Variants in CELF2 observed in about 807,000 individuals in gnomAD.
CELF2 encodes the protein CUGBP Elav-like family member 2.
A neutral mutation model predicts 62.6 loss-of-function variants in CELF2; 8 were observed. The ratio of observed to expected loss-of-function variants is 0.13; its 90% CI spans 0.07 to 0.23. The LOEUF (loss-of-function observed/expected upper bound fraction) is 0.23, where lower values mean the gene tolerates loss of function less well. Ranked by LOEUF, CELF2 falls within the 10% of genes least tolerant of loss-of-function variation. CELF2 has a pLI of 1.00. For missense variants in CELF2, 333 were observed against 671.0 expected, an observed-to-expected ratio of 0.50 and a Z score of 5.56; for synonymous variants, 258 against 250.0, an observed-to-expected ratio of 1.03 and a Z score of -0.30.
chr10:10,786,037 T>C, the CELF2 span, among the ~76,000 whole-genome samples: 1 of 151,874 alleles, frequency 6.6e-6, no homozygotes, highest in African/African-American at 2.4e-5. Flanking sequence ...AAAACTAATT[T>C]AAAAAAAATG....
chr10:10,480,682 C>T, the CELF2 span, among the ~76,000 whole-genome samples: 1 of 152,146 alleles, frequency 6.6e-6, no homozygotes, highest in Non-Finnish European at 1.5e-5. Flanking sequence ...CACTCTTAAG[C>T]ATTTGAAGAT....
intron 1 of CELF2, among the ~76,000 whole-genome samples, chr10:11,052,454 C>G (rs531828937): frequency 1.3e-5 from 2 of 152,164 alleles, no homozygotes; most frequent in Non-Finnish European, 2.9e-5. Context: ...TGTTTGGGCT[C>G]AGATGCTGAT....
chr10:11,270,886 C>T lies in CELF2; in HGVS notation c.777+62C>T. On this transcript the variant is annotated intron_variant, in intron 7 of 12. Coordinates refer to ENST00000633077, the MANE Select transcript of CELF2 (RefSeq NM_001326342.2). This position sits in a 1 kb window ranked among gnomAD's most constrained non-coding sequence, Gnocchi z 5.8. Reference sequence around the variant, plus strand: ...CTGAAACTCTGCAAACTGACTTTTCCCCTCCCTACGCTGAGGCATTTGTTT... The same window carrying T: ...CTGAAACTCTGCAAACTGACTTTTCTCCTCCCTACGCTGAGGCATTTGTTT... The T allele has an allele frequency of 7.6e-7, 1 of 1,311,752 alleles. No homozygotes were observed. Among genetic ancestry groups the T allele is most frequent in the Non-Finnish European group, 9.9e-7 (1 of 1,010,950 alleles). The allele number at this position is 1,311,752 out of a possible 1,614,324, so 81.3% of individuals were successfully genotyped here.
intron 1 of CELF2, among the ~76,000 whole-genome samples, chr10:10,902,160 C>A (rs2062982578): frequency 6.6e-6 from 1 of 152,210 alleles, no homozygotes; most frequent in Non-Finnish European, 1.5e-5. Context: ...CTCACCTTTG[C>A]TTTAGAAAAC....
At chr10:10,720,580 C>A in the CELF2 span, among the ~76,000 whole-genome samples, 1 of 152,058 alleles carries the variant, frequency 6.6e-6, no homozygotes, top group African/African-American at 2.4e-5. Flanking sequence ...AGCTGCAATG[C>A]CAAAGATTGT....
the CELF2 span, among the ~76,000 whole-genome samples, chr10:10,695,569 G>A: frequency 7.3e-5 from 11 of 151,270 alleles, no homozygotes; most frequent in African/African-American, 1.7e-4. Flanking sequence ...GCTAGATTGG[G>A]GAAGTTCTCC....
the CELF2 span, among the ~76,000 whole-genome samples, chr10:10,655,056 G>A: frequency 6.7e-6 from 1 of 149,384 alleles, no homozygotes; most frequent in South Asian, 2.3e-4. Flanking sequence ...AAAATCACAA[G>A]CATTCTTATA....
At chr10:10,760,566 A>G in the CELF2 span, among the ~76,000 whole-genome samples, 1 of 152,196 alleles carries the variant, frequency 6.6e-6, no homozygotes, top group Non-Finnish European at 1.5e-5. Context: ...TTACAGAAGC[A>G]GTGAATGGGG....
the CELF2 span, among the ~76,000 whole-genome samples, chr10:10,479,564 T>G: frequency 1.3e-5 from 2 of 152,286 alleles, no homozygotes; most frequent in East Asian, 3.9e-4. Context: ...TTCATCACCT[T>G]TTCTATAATT....
chr10:10,737,076 A>G, the CELF2 span, among the ~76,000 whole-genome samples: 1 of 152,186 alleles, frequency 6.6e-6, no homozygotes, highest in African/African-American at 2.4e-5. Flanking sequence ...ATGTTTCAGG[A>G]ACCTTGGTAC....
At chr10:11,236,639 C>T (rs1186234468) in intron 3 of CELF2, among the ~76,000 whole-genome samples, 2 of 152,132 alleles carry the variant, frequency 1.3e-5, no homozygotes, top group African/African-American at 2.4e-5. Context: ...TGGTTTCATT[C>T]GTATGCAATA....
At chr10:11,266,768 C>T in intron 6 of CELF2, 91 bp downstream of exon 6, 1 of 942,382 alleles carries the variant, frequency 1.1e-6, no homozygotes, top group Non-Finnish European at 1.6e-6. Context: ...GTTCACATGA[C>T]AATCACAGAT....
the CELF2 span, among the ~76,000 whole-genome samples, chr10:10,716,534 C>G: frequency 6.6e-6 from 1 of 152,084 alleles, no homozygotes; most frequent in East Asian, 1.9e-4. Flanking sequence ...AAGCAAGACT[C>G]AGTCTCAAAA....
intron 1 of CELF2, among the ~76,000 whole-genome samples, chr10:11,029,047 A>G (rs1192275744): frequency 2.0e-5 from 3 of 152,218 alleles, no homozygotes; most frequent in African/African-American, 7.2e-5. Flanking sequence ...AATATGGAGC[A>G]GAGAGGTCTG....
At chr10:10,832,550 G>A (rs1268579397) in intron 1 of CELF2, among the ~76,000 whole-genome samples, 1 of 152,184 alleles carries the variant, frequency 6.6e-6, no homozygotes, top group Non-Finnish European at 1.5e-5. Flanking sequence ...GTAGCACAAA[G>A]GAGAGAATAA....
the CELF2 span, among the ~76,000 whole-genome samples, chr10:10,753,614 A>T: frequency 3.9e-5 from 6 of 152,212 alleles, no homozygotes; most frequent in Non-Finnish European, 8.8e-5. Context: ...TTCTTCTTGG[A>T]CAACTTAAGT....
chr10:11,140,799 T>A (rs1029387608), intron 1 of CELF2, among the ~76,000 whole-genome samples: 5 of 152,156 alleles, frequency 3.3e-5, no homozygotes, highest in African/African-American at 4.8e-5. Context: ...GAAGGATTGC[T>A]TGAGCCCGAG....
chr10:10,778,184 T>C, the CELF2 span, among the ~76,000 whole-genome samples: 1 of 152,062 alleles, frequency 6.6e-6, no homozygotes, highest in Non-Finnish European at 1.5e-5. Context: ...TTCTTGGTCG[T>C]AGTGAAGGTG....
At position 11,165,880 on chromosome 10, in the gene CELF2, T is replaced by C. The variant is rs1173191410; in HGVS notation, c.271+198T>C. 7.2e-5 allele frequency among the ~76,000 whole-genome samples: 11 copies of C among 151,986 alleles called. No individual in the cohort carries two copies. The highest frequency in any genetic ancestry group is 7.2e-4 in the Admixed American group (11 of 15,274). The stretch of plus-strand genomic sequence containing the variant: ...CCGCCCGCCTGCCCGCCGGGACAGG[T>C]TGGAGGCGGGAGAGAGGGACCGAGG... On this transcript the variant is annotated intron_variant, in intron 2 of 12. Coordinates refer to ENST00000633077, the MANE Select transcript of CELF2 (RefSeq NM_001326342.2). This position sits in a 1 kb window ranked among gnomAD's most constrained non-coding sequence, Gnocchi z 7.4.
Sources: allele counts gnomAD v4.1 joint callset (sites outside exome capture counted in the v4.1 genomes callset), GRCh38; gene constraint gnomAD v4.1.1; non-coding constraint Gnocchi (gnomAD v3.1); transcripts MANE v1.5; gene names NCBI Gene and HGNC (gene_info 2026-07-23, HGNC 2026-07-21).